The following GLDC variants were observed in gnomAD, a reference collection of about 807,000 sequenced individuals.
GLDC encodes glycine dehydrogenase (decarboxylating), mitochondrial.
GLDC carries 104 observed loss-of-function variants against 121.3 expected under a neutral mutation model. The observed-to-expected ratio is 0.86, with a 90% CI of 0.73 to 1.01. The LOEUF is 1.01. Ranked by LOEUF, GLDC falls within the 50% of genes least tolerant of loss-of-function variation. The probability of loss-of-function intolerance (pLI) is 0.00; values close to 1 mark genes in which losing one functional copy is unlikely to be tolerated. For missense variants in GLDC, 1,429 were observed against 1,306.6 expected (o/e 1.09, Z -1.44); for synonymous variants, 546 against 480.6 (o/e 1.14, Z -1.78).
In GLDC at chr9:6,533,204, G is replaced by C. The variant is rs761780200; in HGVS notation, c.2920-44C>G. 26 of 1,597,076 alleles carry C rather than the reference G, an allele frequency of 1.6e-5. No homozygotes were observed. In the East Asian group the frequency reaches 4.9e-4, roughly 30 times the overall value. On this transcript the variant is annotated intron_variant, in intron 24 of 24. Transcript: ENST00000321612. ...GGAAATGCTGTGAGATGTTCTGGGAGGTTTCTCTTAGGGCAAAGGAGGTGG... is the reference window on the plus strand; with the variant it reads ...GGAAATGCTGTGAGATGTTCTGGGACGTTTCTCTTAGGGCAAAGGAGGTGG...
Position 6,540,138 on chromosome 9 carries a change from C to G in GLDC, c.2578G>C (p.Gly860Arg), listed in dbSNP as rs753759723. The G allele has an allele frequency of 3.7e-6, 6 of 1,607,140 alleles. No homozygotes were observed. Among genetic ancestry groups the G allele is most frequent in the Non-Finnish European group, 5.1e-6 (6 of 1,173,700 alleles). ...ILFRGARGYV[G>R]HEFILDTRPF... is the part of the protein sequence containing the mutation. ...CTCGTGTCCAAAATAAATTCATGACCCACATAACCTGTTCAGGAAAGTTGT... is the reference window on the plus strand; with the variant it reads ...CTCGTGTCCAAAATAAATTCATGACGCACATAACCTGTTCAGGAAAGTTGT... The change falls in exon 22 of 25, where the codon GGT becomes CGT. Residue 860 changes from glycine (G) to arginine (R), a missense_variant. Coordinates refer to ENST00000321612, the MANE Select transcript of GLDC (RefSeq NM_000170.3).
chr9:6,629,495 T>C (rs1445410963), intron 2 of GLDC, among the ~76,000 whole-genome samples: 1 of 152,092 alleles, frequency 6.6e-6, no homozygotes, highest in Non-Finnish European at 1.5e-5. Context: ...AAATTTTCAA[T>C]ACATTACTAG....
intron 22 of GLDC, among the ~76,000 whole-genome samples, chr9:6,538,468 G>A (rs528725387): frequency 4.6e-5 from 7 of 152,248 alleles, no homozygotes; most frequent in East Asian, 1.9e-4. Context: ...CACATTCAGC[G>A]GTTATGCTTT....
At chr9:6,621,621 G>C (rs1042111098) in intron 2 of GLDC, among the ~76,000 whole-genome samples, 2 of 152,036 alleles carry the variant, frequency 1.3e-5, no homozygotes, top group Admixed American at 1.3e-4. Context: ...AGGTTCAAGC[G>C]ATTCTTCTGC....
intron 4 of GLDC, 86 bp downstream of exon 4, chr9:6,610,105 TA>T: frequency 2.0e-6 from 2 of 1,023,110 alleles, no homozygotes; most frequent in Non-Finnish European, 3.0e-6. Flanking sequence ...CTGACTAAAG[TA>T]ATATTCACAA....
intron 23 of GLDC, among the ~76,000 whole-genome samples, chr9:6,535,048 T>C (rs569045817): frequency 6.6e-6 from 1 of 152,150 alleles, no homozygotes; most frequent in Non-Finnish European, 1.5e-5. Context: ...TTAGAAAAAA[T>C]TACCTACACG....
At chr9:6,559,872 C>A (rs940002564) in intron 16 of GLDC, among the ~76,000 whole-genome samples, 2 of 152,096 alleles carry the variant, frequency 1.3e-5, no homozygotes, top group East Asian at 3.9e-4. Flanking sequence ...GTTCACACAA[C>A]TCACTCACTA....
intron 2 of GLDC, among the ~76,000 whole-genome samples, chr9:6,626,300 G>T (rs1009504785): frequency 6.6e-6 from 1 of 152,190 alleles, no homozygotes; most frequent in African/African-American, 2.4e-5. Context: ...GGAAGGGGGT[G>T]GGGCACCACC....
chr9:6,542,500 G>A (rs1817288643), intron 21 of GLDC: 1 of 152,136 alleles, frequency 6.6e-6, no homozygotes, highest in South Asian at 2.1e-4. Flanking sequence ...GCCTCCCAAA[G>A]TGCTGGGATT....
At chr9:6,569,121 T>C (rs1817904966) in intron 15 of GLDC, 1 of 151,912 alleles carries the variant, frequency 6.6e-6, no homozygotes, top group African/African-American at 2.4e-5. Flanking sequence ...GCCCTTTCAG[T>C]ATCAGTGTAT....
intron 2 of GLDC, among the ~76,000 whole-genome samples, chr9:6,629,718 G>C (rs1819321721): frequency 6.6e-6 from 1 of 150,900 alleles, no homozygotes; most frequent in East Asian, 1.9e-4. Context: ...ATGTATTCAG[G>C]TTTTGCTTTT....
chr9:6,558,316 G>C, intron 17 of GLDC: 1 of 617,538 alleles, frequency 1.6e-6, no homozygotes, highest in Non-Finnish European at 2.9e-6. Flanking sequence ...GGCAGGTTCT[G>C]CAAGGAGTAC....
At chr9:6,573,711 G>C (rs1416751086) in intron 15 of GLDC, among the ~76,000 whole-genome samples, 2 of 152,112 alleles carry the variant, frequency 1.3e-5, no homozygotes, top group Non-Finnish European at 2.9e-5. Context: ...CGATGCAAGT[G>C]AAACATCAGC....
rs779938366 is a variant in GLDC at position 6,606,630 on chromosome 9, G to A, written c.675C>T (p.Cys225=). The change falls in exon 5 of 25, where the codon TGC becomes TGT. Residue 225 remains cysteine, a synonymous_variant. Coordinates refer to ENST00000321612, the MANE Select transcript of GLDC (RefSeq NM_000170.3). ...GGACAACAGCTATTGTCTGTGGGTG[G>A]CAACGGGGATCAACGAGAAATTTCC... ...KRRKFLVDPR[C]HPQTIAVVQT... 6.2e-7 allele frequency: 1 copy of A among 1,609,614 alleles called. No individual in the cohort carries two copies. Among genetic ancestry groups the A allele is most frequent in the South Asian group, 1.1e-5 (1 of 90,984 alleles).
intron 3 of GLDC, 135 bp downstream of exon 3, chr9:6,620,049 G>T (rs1371946159): frequency 2.4e-6 from 2 of 849,676 alleles, no homozygotes; most frequent in African/African-American, 3.3e-5. Context: ...AACCCGGTAG[G>T]TTCCCGGACA....
chr9:6,592,757 C>G (rs543759915), intron 10 of GLDC, 94 bp downstream of exon 10: 1 of 1,252,596 alleles, frequency 8.0e-7, no homozygotes, highest in African/African-American at 1.5e-5. Context: ...CTAAAGTTTT[C>G]CTTTTTATTT....
In GLDC at chr9:6,644,658, G is replaced by A. The variant is rs917975796; in HGVS notation, c.290C>T (p.Ala97Val). 1.4e-5 allele frequency: 23 copies of A among 1,613,350 alleles called. No homozygotes were observed. Among genetic ancestry groups the A allele is most frequent in the Non-Finnish European group, 1.8e-5 (21 of 1,179,476 alleles). The change falls in exon 2 of 25, where the codon GCC (alanine) becomes GTC (valine). Residue 97 changes from alanine to valine, a missense_variant. Physicochemically the swap from Ala to Val is moderately conservative, Grantham distance 64. Coordinates refer to ENST00000321612, the MANE Select transcript of GLDC (RefSeq NM_000170.3). ...CAAGGGTCTTTTCAAACGGATGTTG[G>A]CAGGGACCGTCTTCTCGATCAATTC... ...IDELIEKTVP[A>V]NIRLKRPLKM...
intron 15 of GLDC, among the ~76,000 whole-genome samples, chr9:6,585,830 A>C (rs1205818817): frequency 1.4e-5 from 2 of 142,286 alleles, no homozygotes; most frequent in Non-Finnish European, 3.0e-5. Context: ...TCTATCATTC[A>C]TCTATGTATG....
Position 6,645,689 on chromosome 9 carries a change from A to C in GLDC, c.-190T>G. ...CTGCGCTCAACCAAGACACTCGCGC[A>C]AAGTTGTGGCTCCACCCAAGGCACC... On this transcript the variant is annotated 5_prime_UTR_variant, in exon 1 of 25. Coordinates refer to ENST00000321612, the MANE Select transcript of GLDC (RefSeq NM_000170.3). The C allele has an allele frequency of 2.8e-6, 1 of 352,542 alleles. No individual in the cohort carries two copies. Among genetic ancestry groups the C allele is most frequent in the Non-Finnish European group, 4.8e-6 (1 of 209,366 alleles). 21.8% of individuals were successfully genotyped at this position (352,542 alleles called of 1,614,324 possible).
Sources: gnomAD v4.1 joint callset for allele counts (sites outside exome capture counted in the v4.1 genomes callset) on GRCh38, gnomAD v4.1.1 for gene constraint, MANE v1.5 for transcripts, NCBI Gene and HGNC (gene_info 2026-07-23, HGNC 2026-07-21) for gene names.